Variants in ATP8A2 observed in about 807,000 individuals in gnomAD.
ATP8A2 encodes the protein ATPase phospholipid transporting 8A2, also known as phospholipid-transporting ATPase IB.
ATP8A2 carries 100 observed loss-of-function variants against 165.6 expected under a neutral mutation model. The observed-to-expected ratio is 0.60, with a 90% confidence interval of 0.51 to 0.71. ATP8A2 has a LOEUF of 0.71. Among genes scored for constraint, ATP8A2 ranks in the 30% least tolerant of loss-of-function variants. ATP8A2 has a pLI of 0.00. For synonymous variants in ATP8A2, 543 were observed against 548.8 expected, an observed-to-expected ratio of 0.99 and a Z score of 0.15; for missense variants, 1,227 against 1,479.5, an observed-to-expected ratio of 0.83 and a Z score of 2.80.
Position 25,877,397 on chromosome 13 carries a change from C to T in ATP8A2, c.3183+14989C>T, listed in dbSNP as rs959299530. On this transcript the variant is annotated intron_variant, in intron 33 of 36. Transcript: ENST00000381655. ...TGAAATGAGCTTCCAACACTTAAAG[C>T]TCCAATCATGGAACATCTGACTCAT... is the stretch of plus-strand genomic sequence containing the variant. 3.9e-5 allele frequency among the ~76,000 whole-genome samples: 6 copies of T among 152,310 alleles called. 1 individual carries two copies. Among genetic ancestry groups the T allele is most frequent in the Admixed American group, 3.3e-4 (5 of 15,306 alleles).
At chr13:25,571,910 T>G (rs2039477676) in intron 18 of ATP8A2, 6 of 556,976 alleles carry the variant, frequency 1.1e-5, no homozygotes, top group Admixed American at 3.0e-5. Flanking sequence ...CACATGTCTT[T>G]CATACACTGA....
At chr13:25,960,434 C>T (rs1318766197) in intron 33 of ATP8A2, among the ~76,000 whole-genome samples, 1 of 152,156 alleles carries the variant, frequency 6.6e-6, no homozygotes, top group Non-Finnish European at 1.5e-5. Context: ...AGGCCCTCTG[C>T]TCTCCCTCCC....
chr13:25,912,172 A>G (rs1386869627), intron 33 of ATP8A2, among the ~76,000 whole-genome samples: 3 of 146,292 alleles, frequency 2.1e-5, no homozygotes, highest in Non-Finnish European at 4.4e-5. Flanking sequence ...ACACACACAC[A>G]CACACACACA....
intron 25 of ATP8A2, among the ~76,000 whole-genome samples, chr13:25,761,432 A>G (rs4770877): frequency 0.57 from 86,454 of 151,900 alleles, 26,028 homozygotes; most frequent in Middle Eastern, 0.7. Context: ...GAGGCATTCT[A>G]TTGTGGTGGA....
At chr13:25,584,906 A>T (rs1269472251) in intron 23 of ATP8A2, among the ~76,000 whole-genome samples, 1 of 152,156 alleles carries the variant, frequency 6.6e-6, no homozygotes, top group Non-Finnish European at 1.5e-5. Flanking sequence ...GTACCATAAG[A>T]GTTCATCTTT....
At chr13:25,625,072 A>C (rs1400380947) in intron 24 of ATP8A2, among the ~76,000 whole-genome samples, 2 of 152,188 alleles carry the variant, frequency 1.3e-5, no homozygotes, top group African/African-American at 4.8e-5. Context: ...TCTTTAAGCA[A>C]GAATAGGCAA....
chr13:25,994,833 C>T (rs1363376512), intron 35 of ATP8A2, among the ~76,000 whole-genome samples: 1 of 151,876 alleles, frequency 6.6e-6, no homozygotes, highest in Non-Finnish European at 1.5e-5. Context: ...CTGGGGCTTT[C>T]TTTTTTTGTA....
chr13:25,403,278 T>C (rs2033696991), intron 1 of ATP8A2, among the ~76,000 whole-genome samples: 1 of 152,140 alleles, frequency 6.6e-6, no homozygotes, highest in South Asian at 2.1e-4. Flanking sequence ...CTTCCCTGCC[T>C]CCATTACTGT....
At chr13:25,650,272 TC>T (rs2041780191) in intron 24 of ATP8A2, among the ~76,000 whole-genome samples, 1 of 152,178 alleles carries the variant, frequency 6.6e-6, no homozygotes, top group Non-Finnish European at 1.5e-5. Flanking sequence ...GGCGTTCTTG[TC>T]TGTGGATAGT....
At chr13:25,898,336 C>T (rs1201423558) in intron 33 of ATP8A2, among the ~76,000 whole-genome samples, 1 of 152,222 alleles carries the variant, frequency 6.6e-6, no homozygotes, top group African/African-American at 2.4e-5. Flanking sequence ...GGCTGCAGAA[C>T]AGCGGATACT....
intron 33 of ATP8A2, among the ~76,000 whole-genome samples, chr13:25,891,348 A>G (rs963200776): frequency 5.9e-5 from 9 of 151,396 alleles, no homozygotes; most frequent in Non-Finnish European, 1.3e-4. Flanking sequence ...TTTGAGACAC[A>G]GTCTCGCTCT....
chr13:25,869,457 C>A (rs1465335478), intron 33 of ATP8A2, among the ~76,000 whole-genome samples: 2 of 152,168 alleles, frequency 1.3e-5, no homozygotes, highest in East Asian at 1.9e-4. Flanking sequence ...TTATTTAGTG[C>A]AAATTGTAAC....
chr13:25,512,921 C>T (rs1242146088), intron 2 of ATP8A2, among the ~76,000 whole-genome samples: 1 of 145,922 alleles, frequency 6.9e-6, no homozygotes, highest in Non-Finnish European at 1.5e-5. Context: ...CTGACCCCCC[C>T]ACCTCCCTCC....
At chr13:25,836,625 GTTCCTGGAGGTCCTAA>G (rs1236445203) in intron 28 of ATP8A2, among the ~76,000 whole-genome samples, 50 of 152,216 alleles carry the variant, frequency 3.3e-4, no homozygotes, top group African/African-American at 1.2e-3. Flanking sequence ...AGTAGATGGC[GTTCCTGGAGGTCCTAA>G]TTCCTTTCCT....
chr13:25,480,028 T>G, intron 2 of ATP8A2, among the ~76,000 whole-genome samples: 1 of 150,758 alleles, frequency 6.6e-6, no homozygotes, highest in Non-Finnish European at 1.5e-5. Flanking sequence ...GACGGGGTGG[T>G]GGCCAGGCAG....
chr13:25,932,681 A>C (rs938566983), intron 33 of ATP8A2, among the ~76,000 whole-genome samples: 3 of 152,180 alleles, frequency 2.0e-5, no homozygotes, highest in African/African-American at 7.2e-5. Flanking sequence ...TCAATTAGGT[A>C]TGCTTATGGG....
At chr13:25,449,233 T>G (rs2035149083) in intron 1 of ATP8A2, among the ~76,000 whole-genome samples, 1 of 152,216 alleles carries the variant, frequency 6.6e-6, no homozygotes, top group Non-Finnish European at 1.5e-5. Context: ...CTTTCTATTT[T>G]TCTAATGTAA....
At chr13:25,736,929 G>T (rs1454618146) in intron 25 of ATP8A2, among the ~76,000 whole-genome samples, 2 of 152,162 alleles carry the variant, frequency 1.3e-5, no homozygotes, top group Non-Finnish European at 2.9e-5. Context: ...ATTGGGGAAA[G>T]ACTAAAGTGG....
intron 24 of ATP8A2, among the ~76,000 whole-genome samples, chr13:25,662,466 C>G (rs544974350): frequency 6.6e-5 from 10 of 152,120 alleles, no homozygotes; most frequent in Non-Finnish European, 1.3e-4. Flanking sequence ...TCTAACTTTA[C>G]CTAGCGAATA....
Sources: gnomAD v4.1 joint callset for allele counts (sites outside exome capture counted in the v4.1 genomes callset) on GRCh38, gnomAD v4.1.1 for gene constraint, MANE v1.5 for transcripts, NCBI Gene and HGNC (gene_info 2026-07-23, HGNC 2026-07-21) for gene names.